TOM1L2: variants seen among roughly 807,000 people sequenced by gnomAD.
The protein encoded by TOM1L2 is TOM1-like protein 2.
A neutral mutation model predicts 67.9 loss-of-function variants in TOM1L2; 31 were observed. That is an observed-to-expected ratio of 0.46 (90% CI 0.34 to 0.62). The LOEUF (loss-of-function observed/expected upper bound fraction) is 0.62, where lower values mean the gene tolerates loss of function less well. Ranked by LOEUF, TOM1L2 falls within the 20% of genes least tolerant of loss-of-function variation. TOM1L2 has a pLI of 0.01. For synonymous variants in TOM1L2, 256 were observed against 254.0 expected, an observed-to-expected ratio of 1.01 and a Z score of -0.07; for missense variants, 606 against 663.5, an observed-to-expected ratio of 0.91 and a Z score of 0.95.
intron 12 of TOM1L2, 63 bp from the exon 13 acceptor site, chr17:17,851,015 A>C: frequency 3.8e-6 from 6 of 1,576,872 alleles, no homozygotes; most frequent in Non-Finnish European, 5.2e-6. Context: ...GAGACAGAAC[A>C]CCGGAACAAA....
At chr17:17,921,271 C>G (rs1037325336) in intron 1 of TOM1L2, among the ~76,000 whole-genome samples, 10 of 152,182 alleles carry the variant, frequency 6.6e-5, no homozygotes, top group Non-Finnish European at 1.5e-4. Flanking sequence ...ACAAAGGAAC[C>G]CTTCAGGCCA....
At chr17:17,934,594 G>T (rs929320636) in intron 1 of TOM1L2, among the ~76,000 whole-genome samples, 1 of 151,878 alleles carries the variant, frequency 6.6e-6, no homozygotes, top group South Asian at 2.1e-4. Context: ...TTGTTTAGGG[G>T]GATAATTTCT....
At chr17:17,970,703 G>A (rs1382864044) in intron 1 of TOM1L2, among the ~76,000 whole-genome samples, 1 of 152,136 alleles carries the variant, frequency 6.6e-6, no homozygotes, top group East Asian at 1.9e-4. Flanking sequence ...AGTAAAGAAA[G>A]GCTCCTAAAT....
chr17:17,854,977 A>G (rs575705094), intron 12 of TOM1L2, among the ~76,000 whole-genome samples: 1 of 152,358 alleles, frequency 6.6e-6, no homozygotes, highest in South Asian at 2.1e-4. Flanking sequence ...AAGCTAGCAG[A>G]GGAATGCCCT....
intron 1 of TOM1L2, among the ~76,000 whole-genome samples, chr17:17,938,866 C>T (rs1308259590): frequency 1.3e-5 from 2 of 151,782 alleles, no homozygotes; most frequent in African/African-American, 4.8e-5. Context: ...AGCCACCACA[C>T]CCGGTCTAGG....
chr17:17,875,616 T>C (rs986095689), intron 7 of TOM1L2, among the ~76,000 whole-genome samples: 8 of 152,364 alleles, frequency 5.3e-5, no homozygotes, highest in Non-Finnish European at 1.0e-4. Flanking sequence ...TGGTCACTTG[T>C]ACAAAAGCCC....
chr17:17,905,580 C>T (rs2144389821), intron 2 of TOM1L2, among the ~76,000 whole-genome samples: 1 of 152,288 alleles, frequency 6.6e-6, no homozygotes, highest in South Asian at 2.1e-4. Flanking sequence ...ACTCTGTCGC[C>T]CAGGCTAGAA....
At chr17:17,961,658 G>C (rs1463643595) in intron 1 of TOM1L2, among the ~76,000 whole-genome samples, 1 of 152,128 alleles carries the variant, frequency 6.6e-6, no homozygotes, top group Non-Finnish European at 1.5e-5. Context: ...CGCATCATGA[G>C]GTGAGGAGAT....
chr17:17,931,639 G>A (rs1274766292), intron 1 of TOM1L2, among the ~76,000 whole-genome samples: 1 of 152,170 alleles, frequency 6.6e-6, no homozygotes, highest in Admixed American at 6.5e-5. Context: ...CACATGAGGG[G>A]ACCTCAAAAA....
At chr17:17,880,412 G>C (rs2037662926) in intron 6 of TOM1L2, among the ~76,000 whole-genome samples, 2 of 152,282 alleles carry the variant, frequency 1.3e-5, no homozygotes, top group Non-Finnish European at 1.5e-5. Context: ...AAGGCCCAAG[G>C]CTCCTCTCCA....
intron 1 of TOM1L2, among the ~76,000 whole-genome samples, chr17:17,960,224 A>G (rs2041626115): frequency 6.6e-6 from 1 of 152,212 alleles, no homozygotes; most frequent in African/African-American, 2.4e-5. Flanking sequence ...CCCACAAACA[A>G]TACTAAGCTC....
chr17:17,923,553 A>G (rs772828407), intron 1 of TOM1L2, among the ~76,000 whole-genome samples: 2 of 151,790 alleles, frequency 1.3e-5, no homozygotes, highest in Non-Finnish European at 2.9e-5. Flanking sequence ...AGCTGGGCGC[A>G]GTGGTGAGCA....
chr17:17,971,439 C>A (rs2042077340), intron 1 of TOM1L2, among the ~76,000 whole-genome samples: 1 of 152,056 alleles, frequency 6.6e-6, no homozygotes, highest in African/African-American at 2.4e-5. Flanking sequence ...GCAGGCATGC[C>A]ATCCCCCTGC....
rs1427042048 is a variant in TOM1L2 at position 17,843,548 on chromosome 17, T to A, written c.*4087A>T. The stretch of plus-strand genomic sequence containing the variant: ...TTTATTTATTGTGGAGTATTTTACA[T>A]GCAAGAACCCAATTAGAGAGAGGGT... On this transcript the variant is annotated 3_prime_UTR_variant, in exon 15 of 15. Coordinates refer to ENST00000379504, the MANE Select transcript of TOM1L2 (RefSeq NM_001082968.2). 2.0e-5 allele frequency: 3 copies of A among 152,328 alleles called. No homozygotes were observed. In the East Asian group the frequency reaches 5.8e-4, roughly 29 times the overall value. 9.4% of individuals were successfully genotyped at this position (152,328 alleles called of 1,614,324 possible). A position where few individuals can be genotyped will look rare whatever the true frequency, so the allele number is the denominator to read the frequency against.
At chr17:17,954,559 C>T (rs996183247) in intron 1 of TOM1L2, among the ~76,000 whole-genome samples, 1 of 152,186 alleles carries the variant, frequency 6.6e-6, no homozygotes, top group Non-Finnish European at 1.5e-5. Context: ...ATGACCCACC[C>T]ACCTTGGCCT....
At chr17:17,950,378 C>T (rs1426734487) in intron 1 of TOM1L2, among the ~76,000 whole-genome samples, 2 of 152,086 alleles carry the variant, frequency 1.3e-5, no homozygotes, top group East Asian at 1.9e-4. Flanking sequence ...GCGCTTGTCT[C>T]GAACTCCTGA....
intron 3 of TOM1L2, among the ~76,000 whole-genome samples, chr17:17,897,683 A>G (rs1448372058): frequency 6.6e-6 from 1 of 152,092 alleles, no homozygotes; most frequent in Non-Finnish European, 1.5e-5. Context: ...CTTTGTAGCT[A>G]TTTTCAGTTT....
chr17:17,962,324 ATT>A (rs35022332), intron 1 of TOM1L2, among the ~76,000 whole-genome samples: 120 of 146,286 alleles, frequency 8.2e-4, no homozygotes, highest in Admixed American at 1.2e-3. Flanking sequence ...ATTGTTGCAT[ATT>A]TTTTTTTTTT....
chr17:17,882,162 G>A (rs1340027119), intron 6 of TOM1L2, among the ~76,000 whole-genome samples: 1 of 152,172 alleles, frequency 6.6e-6, no homozygotes, highest in African/African-American at 2.4e-5. Flanking sequence ...GGGCCTCCCT[G>A]ATCAGGTCAC....
Sources: allele counts gnomAD v4.1 joint callset (sites outside exome capture counted in the v4.1 genomes callset), GRCh38; gene constraint gnomAD v4.1.1; transcripts MANE v1.5; gene names NCBI Gene and HGNC (gene_info 2026-07-23, HGNC 2026-07-21).